PGAP6: variants seen among roughly 807,000 people sequenced by gnomAD.
PGAP6 encodes the protein post-GPI attachment to proteins 6.
In PGAP6, 62 loss-of-function variants were observed where a neutral mutation model predicts 68.4. The ratio of observed to expected loss-of-function variants is 0.91; its 90% confidence interval spans 0.74 to 1.12. The LOEUF is 1.12. PGAP6 is among the 50% of genes most tolerant of loss of function. The probability of loss-of-function intolerance (pLI) is 0.00; values close to 1 mark genes in which losing one functional copy is unlikely to be tolerated. For missense variants in PGAP6, 1,188 were observed against 1,068.5 expected, an observed-to-expected ratio of 1.11 and a Z score of -1.56; for synonymous variants, 575 against 474.0, an observed-to-expected ratio of 1.21 and a Z score of -2.77.
rs553921364 is a variant in PGAP6 at position 372,728 on chromosome 16, C to T, written c.1903-1G>A. On this transcript the variant is annotated splice_acceptor_variant, in intron 11 of 12. Transcript: ENST00000431232. LOFTEE classifies it high-confidence loss of function. Reference sequence around the variant, plus strand: ...CCAGTGTACCCAGAAGAAACAGCACCTGCGCAAGACACAGGGATGACTGCA... The same window carrying T: ...CCAGTGTACCCAGAAGAAACAGCACTTGCGCAAGACACAGGGATGACTGCA... The T allele has an allele frequency of 4.0e-5, 64 of 1,605,356 alleles. No individual in the cohort carries two copies. In the South Asian group the frequency reaches 7.1e-4, roughly 18 times the overall value.
rs2054375461 is a variant in PGAP6, at chr16:375,593, C to T, written c.1225-158G>A. On this transcript the variant is annotated intron_variant, in intron 6 of 12. Transcript: ENST00000431232. ...TGTCGCCCAGGCTGGAGGGCAGTGCCGCGATCTCGGCTCACTGCAACCTCC... is the reference window on the plus strand; with the variant it reads ...TGTCGCCCAGGCTGGAGGGCAGTGCTGCGATCTCGGCTCACTGCAACCTCC... Among the ~76,000 whole-genome samples the T allele has an allele frequency of 2.0e-5, 3 of 151,530 alleles. No homozygotes were observed. In the South Asian group the frequency reaches 6.3e-4, roughly 32 times the overall value.
In PGAP6 at chr16:372,125, G is replaced by A; in HGVS notation, c.2178C>T (p.His726=). ...DNYYYTHSIW[H]ILLAGSAALL... ...AGGCTGCGCTCCCGGCCAGCAGGAT[G>A]TGCCAGATGCTGTGGGTGTAGTAGT... Residue 726 remains histidine (H), a synonymous_variant, in exon 13 of 13, where the codon CAC becomes CAT. Coordinates refer to ENST00000431232, the MANE Select transcript of PGAP6 (RefSeq NM_021259.3). The A allele has an allele frequency of 1.2e-6, 2 of 1,612,934 alleles. No homozygotes were observed. Among genetic ancestry groups the A allele is most frequent in the Non-Finnish European group, 8.5e-7 (1 of 1,179,982 alleles).
intron 9 of PGAP6, among the ~76,000 whole-genome samples, 168 bp from the exon 10 acceptor site, chr16:374,567 C>G (rs1271156592): frequency 6.6e-6 from 1 of 151,946 alleles, no homozygotes. Flanking sequence ...CCGGGGATAC[C>G]TGGTGCCTGT....
Position 374,818 on chromosome 16 carries a change from T to C in PGAP6, c.1514A>G (p.Tyr505Cys), listed in dbSNP as rs1299405668. ...TCTGCGGAGCAGGAGGCACTGGCCA[T>C]AGGGTCCACAATCGTTCAAACAGGG... ...LVPCLNDCGP[Y>C]GQCLLLRRHS... Residue 505 changes from tyrosine (Y) to cysteine (C), a missense_variant, in exon 9 of 13, where the codon TAT (tyrosine) becomes TGT (cysteine). Transcript: ENST00000431232. 1.2e-5 allele frequency: 19 copies of C among 1,612,964 alleles called. No homozygotes were observed. The highest frequency in any genetic ancestry group is 1.5e-5 in the Non-Finnish European group (18 of 1,179,946).
chr16:377,951 C>T, intron 1 of PGAP6, 103 bp from the exon 2 acceptor site: 1 of 1,052,618 alleles, frequency 9.5e-7, no homozygotes, highest in Non-Finnish European at 1.4e-6. Context: ...CCCCCGGGGA[C>T]CCACCTGGAG....
At chr16:382,043 C>T (rs1400752637), upstream of PGAP6, 3 of 611,250 alleles carry the variant, frequency 4.9e-6, no homozygotes, top group Non-Finnish European at 6.3e-6. Flanking sequence ...GGGGGCGGGA[C>T]CGGGGGGGGC....
rs894333571 is a variant in PGAP6 at position 372,176 on chromosome 16, G to A, written c.2127C>T (p.Tyr709=). ...VSMASVGIAI[Y]TSMMTSDNYY... ...AGTTGTCGCTAGTCATCATGGAGGT[G>A]TAGATGGCGATGCCCACAGAGGCCA... The change falls in exon 13 of 13, where the codon TAC becomes TAT. Residue 709 remains tyrosine (Y), a synonymous_variant. Transcript: ENST00000431232. 1 of 1,612,908 alleles carries A rather than the reference G, an allele frequency of 6.2e-7. No homozygotes were observed. Among genetic ancestry groups the A allele is most frequent in the Admixed American group, 1.7e-5 (1 of 60,016 alleles).
rs1052696866 is a variant in PGAP6 at position 371,746 on chromosome 16, G to A, written c.*241C>T. 14 of 526,614 alleles carry A rather than the reference G, an allele frequency of 2.7e-5. No homozygotes were observed. The highest frequency in any genetic ancestry group is 4.1e-5 in the Non-Finnish European group (12 of 291,956). The allele number at this position is 526,614 out of a possible 1,614,324, so 32.6% of individuals were successfully genotyped here. A position where few individuals can be genotyped will look rare whatever the true frequency, so the allele number is the denominator to read the frequency against. Reference sequence around the variant, plus strand: ...CCAAGTAACCAAGCCCAGGCCCCAGGGGCCACTGCAGACAGCAGCTGGGAT... The same window carrying A: ...CCAAGTAACCAAGCCCAGGCCCCAGAGGCCACTGCAGACAGCAGCTGGGAT... On this transcript the variant is annotated 3_prime_UTR_variant, in exon 13 of 13. Coordinates refer to ENST00000431232, the MANE Select transcript of PGAP6 (RefSeq NM_021259.3).
chr16:378,258 C>CTGACTGCCAT (rs2054406432), intron 1 of PGAP6, among the ~76,000 whole-genome samples: 2 of 128,606 alleles, frequency 1.6e-5, no homozygotes, highest in South Asian at 3.2e-4. Flanking sequence ...CCATCCCCAC[C>CTGACTGCCAT]CGCACTGCCA....
chr16:376,012 G>T, intron 6 of PGAP6, 124 bp downstream of exon 6: 2 of 1,015,184 alleles, frequency 2.0e-6, no homozygotes, highest in Non-Finnish European at 2.8e-6. Flanking sequence ...CCCCTGTCTT[G>T]GCCCGTGCCT....
rs2054391175 is a variant in PGAP6, at chr16:377,064, G to A, written c.608C>T (p.Thr203Ile). The A allele has an allele frequency of 2.5e-6, 4 of 1,613,224 alleles. No homozygotes were observed. The highest frequency in any genetic ancestry group is 2.7e-5 in the African/African-American group (2 of 74,942). Residue 203 changes from threonine (T) to isoleucine (I), a missense_variant, in exon 4 of 13, where the codon ACC becomes ATC. Transcript: ENST00000431232. ...IMEPDVPLPQ[T>I]LLSHPSYLKV... is the part of the protein sequence containing the mutation. ...GAGGTAGCTGGGATGGGAGAGGAGGGTCTGAGGAAGGGGCACGTCCGGCTC... is the reference window on the plus strand; with the variant it reads ...GAGGTAGCTGGGATGGGAGAGGAGGATCTGAGGAAGGGGCACGTCCGGCTC...
At position 376,543 on chromosome 16, in the gene PGAP6, C is replaced by A; in HGVS notation, c.904+1G>T. The stretch of plus-strand genomic sequence containing the variant: ...ATCCCTCCAGCCCTTGTGCGGCCCA[C>A]CTGTGAGGGCAGCTACAGCACTGAA... On this transcript the variant is annotated splice_donor_variant, in intron 5 of 12. Transcript: ENST00000431232. LOFTEE classifies it high-confidence loss of function. 6.5e-7 allele frequency: 1 copy of A among 1,544,958 alleles called. No homozygotes were observed. Among genetic ancestry groups the A allele is most frequent in the Non-Finnish European group, 8.7e-7 (1 of 1,144,466 alleles).
upstream of PGAP6, among the ~76,000 whole-genome samples, chr16:385,257 C>G (rs2054473738): frequency 6.6e-6 from 1 of 151,758 alleles, no homozygotes. Flanking sequence ...TTGGAAAAAC[C>G]TGGGCGCTCC....
chr16:378,492 T>C (rs4991327), intron 1 of PGAP6, among the ~76,000 whole-genome samples: 1,232 of 2,572 alleles, frequency 0.48, 463 homozygotes, highest in African/African-American at 0.6. Flanking sequence ...CCATCGCCAC[T>C]CTGACTGCCA....
intron 1 of PGAP6, among the ~76,000 whole-genome samples, chr16:378,911 G>A (rs922702473): frequency 2.0e-5 from 3 of 152,208 alleles, no homozygotes; most frequent in African/African-American, 7.2e-5. Context: ...GGATGGAGAA[G>A]GGCCCGTGGG....
chr16:386,965 GA>G (rs2054490232), upstream of PGAP6: 1 of 568,666 alleles, frequency 1.8e-6, no homozygotes, highest in Non-Finnish European at 3.4e-6. Flanking sequence ...ACCCCCAGGA[GA>G]AACAAGCTTG....
At chr16:386,726 C>CAAAAAAAAAAAAAAAAAAAAAA, upstream of PGAP6, 1 of 311,112 alleles carries the variant, frequency 3.2e-6, no homozygotes, top group Non-Finnish European at 6.0e-6. Context: ...AAAAAAAAAC[C>CAAAAAAAAAAAAAAAAAAAAAA]AAAAAAAAAA....
In PGAP6 at chr16:374,418, G is replaced by T; in HGVS notation, c.1577-19C>A. On this transcript the variant is annotated intron_variant, in intron 9 of 12. Transcript: ENST00000431232. The stretch of plus-strand genomic sequence containing the variant: ...CGCCAGCCTGCGGTCACAAAACCCC[G>T]ACGCGGAGGCTGGGGGCACTGCTGA... 1 of 1,549,892 alleles carries T rather than the reference G, an allele frequency of 6.5e-7. No individual in the cohort carries two copies. The highest frequency in any genetic ancestry group is 8.7e-7 in the Non-Finnish European group (1 of 1,152,484).
At chr16:383,204 A>G (rs1242635563), upstream of PGAP6, 2 of 152,176 alleles carry the variant, frequency 1.3e-5, no homozygotes, top group Admixed American at 6.5e-5. Context: ...AAGTTTAAAA[A>G]AAAAAAAAAT....
Sources: allele counts gnomAD v4.1 joint callset (sites outside exome capture counted in the v4.1 genomes callset), GRCh38; gene constraint gnomAD v4.1.1; transcripts MANE v1.5; gene names NCBI Gene and HGNC (gene_info 2026-07-23, HGNC 2026-07-21).